The following IFT122 variants were observed in gnomAD, a reference collection of about 807,000 sequenced individuals.
The protein encoded by IFT122 is intraflagellar transport protein 122 homolog.
IFT122 carries 118 observed loss-of-function variants against 161.6 expected under a neutral mutation model. That is an observed-to-expected ratio of 0.73 (90% confidence interval 0.63 to 0.85). The LOEUF (loss-of-function observed/expected upper bound fraction) is 0.85, where lower values mean the gene tolerates loss of function less well. IFT122 is among the 40% of genes least tolerant of loss of function. The pLI, the probability that IFT122 is intolerant of heterozygous loss-of-function variation, is 0.00. For missense variants in IFT122, 1,381 were observed against 1,579.6 expected (o/e 0.87, Z 2.13); for synonymous variants, 550 against 602.4 (o/e 0.91, Z 1.27).
At chr3:129,514,868 A>C (rs1313658263) in intron 25 of IFT122, 1 of 491,014 alleles carries the variant, frequency 2.0e-6, no homozygotes, top group Non-Finnish European at 3.7e-6. Flanking sequence ...CCTTTACCCC[A>C]GGCCTGGCCC....
At chr3:129,466,243 G>A (rs1156505665) in intron 7 of IFT122, among the ~76,000 whole-genome samples, 1 of 152,120 alleles carries the variant, frequency 6.6e-6, no homozygotes, top group Non-Finnish European at 1.5e-5. Context: ...ACTTGATTTA[G>A]AAGGTTGTTT....
At chr3:129,509,758 C>G (rs1354623742) in intron 23 of IFT122, among the ~76,000 whole-genome samples, 8 of 152,198 alleles carry the variant, frequency 5.3e-5, no homozygotes, top group African/African-American at 1.9e-4. Context: ...AGCCTGTGTT[C>G]CTAGCCTTTC....
Position 129,481,705 on chromosome 3 carries a change from T to C in IFT122, c.1653+11T>C, listed in dbSNP as rs1185752568. 5 of 1,613,590 alleles carry C rather than the reference T, an allele frequency of 3.1e-6. No individual in the cohort carries two copies. The highest frequency in any genetic ancestry group is 1.6e-4 in the Middle Eastern group (1 of 6,082). ...GAGCTGCTTTTTCAGGTGAAGTCCC[T>C]GAGGGGGCCCAGGGACATCATCCTT... On this transcript the variant is annotated intron_variant, in intron 14 of 29. Transcript: ENST00000348417.
intron 26 of IFT122, among the ~76,000 whole-genome samples, chr3:129,517,146 C>CCTGCACACACACGGAGACTGCCT (rs1209209179): frequency 6.8e-6 from 1 of 146,048 alleles, no homozygotes; most frequent in East Asian, 2.1e-4. Flanking sequence ...GGAGACTGCC[C>CCTGCACACACACGGAGACTGCCT]CTGCACACAC....
chr3:129,447,692 T>C (rs2107861738), intron 1 of IFT122, among the ~76,000 whole-genome samples: 1 of 152,224 alleles, frequency 6.6e-6, no homozygotes, highest in South Asian at 2.1e-4. Flanking sequence ...TTTGTATTTT[T>C]AGTTGAGACA....
Position 129,469,488 on chromosome 3 carries a change from A to G in IFT122, c.816+71A>G, listed in dbSNP as rs577705338. On this transcript the variant is annotated intron_variant, in intron 9 of 29. Transcript: ENST00000348417. ...TTTCATTTTCTGAGATTCTGTTACTATTAATTATACATTATCATTGTTAGT... is the reference window on the plus strand; with the variant it reads ...TTTCATTTTCTGAGATTCTGTTACTGTTAATTATACATTATCATTGTTAGT... The G allele has an allele frequency of 1.0e-5, 12 of 1,172,670 alleles. No homozygotes were observed. In the East Asian group the frequency reaches 1.2e-4, roughly 11 times the overall value. The allele number at this position is 1,172,670 out of a possible 1,614,324, so 72.6% of individuals were successfully genotyped here.
At chr3:129,466,746 A>G in intron 7 of IFT122, 144 bp from the exon 8 acceptor site, 2 of 758,874 alleles carry the variant, frequency 2.6e-6, no homozygotes, top group Non-Finnish European at 2.3e-6. Context: ...CGAGCGATTC[A>G]CTTGCCTCGG....
chr3:129,460,450 A>T (rs58976074), intron 4 of IFT122, among the ~76,000 whole-genome samples: 35,282 of 150,644 alleles, frequency 0.23, 6,255 homozygotes, highest in African/African-American at 0.47. Flanking sequence ...CTTTATTATT[A>T]TTTTTTTTTA....
intron 17 of IFT122, among the ~76,000 whole-genome samples, chr3:129,492,979 G>A (rs537430793): frequency 4.6e-5 from 7 of 151,868 alleles, no homozygotes; most frequent in Non-Finnish European, 1.0e-4. Flanking sequence ...CACCCCGCCT[G>A]ATTAATTTTT....
chr3:129,518,535 C>T lies in IFT122; in HGVS notation c.3392-572C>T, dbSNP rs188214854. Among the ~76,000 whole-genome samples, 4 of 152,310 alleles carry T rather than the reference C, an allele frequency of 2.6e-5. No homozygotes were observed. The East Asian group carries it at 7.7e-4, about 29-fold the overall frequency. ...GAAAGACGGACCCATCTCTGCCACC[C>T]AGGCTCCCTCAGGTGCCACAGATGA... On this transcript the variant is annotated intron_variant, in intron 27 of 29. Coordinates refer to ENST00000348417, the MANE Select transcript of IFT122 (RefSeq NM_052989.3).
rs138028750 is a variant in IFT122, at chr3:129,515,551, G to A, written c.3217G>A (p.Val1073Ile). ...CCCGCTGCTCAACAACCTGGGCAAC[G>A]TCTGCATCAACTGCCGCCAGCCCTT... ...NNPLLNNLGN[V>I]CINCRQPFIF... is the part of the protein sequence containing the mutation. Residue 1073 changes from valine (V) to isoleucine (I), a missense_variant, in exon 26 of 30, where the codon GTC becomes ATC. This residue lies in a region of IFT122 where 20 missense variants were observed against 54.2 expected (regional missense o/e 0.37). Transcript: ENST00000348417. 1.0e-4 allele frequency: 163 copies of A among 1,579,082 alleles called. No individual in the cohort carries two copies. Among genetic ancestry groups the A allele is most frequent in the African/African-American group, 1.4e-4 (10 of 73,102 alleles).
At chr3:129,474,981 C>G (rs1236454565) in intron 9 of IFT122, among the ~76,000 whole-genome samples, 1 of 152,064 alleles carries the variant, frequency 6.6e-6, no homozygotes, top group East Asian at 1.9e-4. Flanking sequence ...AGTGGGACCC[C>G]ACCTCTAAAA....
At chr3:129,443,165 T>TG (rs1354495003) in intron 1 of IFT122, among the ~76,000 whole-genome samples, 1 of 152,226 alleles carries the variant, frequency 6.6e-6, no homozygotes. Flanking sequence ...CATTTAAAGA[T>TG]GAAGAAATTG....
At chr3:129,454,796 T>A (rs1163271496) in intron 3 of IFT122, among the ~76,000 whole-genome samples, 1 of 152,042 alleles carries the variant, frequency 6.6e-6, no homozygotes, top group Non-Finnish European at 1.5e-5. Context: ...GATGTCAGAG[T>A]GTGACCCATC....
At chr3:129,451,427 G>GT (rs2074835850) in intron 2 of IFT122, among the ~76,000 whole-genome samples, 1 of 152,098 alleles carries the variant, frequency 6.6e-6, no homozygotes, top group African/African-American at 2.4e-5. Context: ...CTGGCCTACA[G>GT]TTGGGTTTTA....
chr3:129,480,069 G>GT, intron 13 of IFT122, 147 bp downstream of exon 13: 1 of 1,029,856 alleles, frequency 9.7e-7, no homozygotes, highest in Non-Finnish European at 1.5e-6. Flanking sequence ...CCTGAGTTCA[G>GT]TTTTTTGAGG....
rs188337505 is a variant in IFT122 at position 129,504,235 on chromosome 3, C to T, written c.2548-84C>T. 503 of 1,145,582 alleles carry T rather than the reference C, an allele frequency of 4.4e-4. 2 individuals are homozygous for T. The African/African-American group carries it at 6.1e-3, about 14-fold the overall frequency. 71.0% of individuals were successfully genotyped at this position (1,145,582 alleles called of 1,614,324 possible). ...TTGTCAGGCTGGCAAAATATGATGT[C>T]CCTAATGGATTCAGCCAAGTACAGT... On this transcript the variant is annotated intron_variant, in intron 20 of 29. Transcript: ENST00000348417.
intron 19 of IFT122, 104 bp from the exon 20 acceptor site, chr3:129,502,598 TCCCATGGGC>T: frequency 1.6e-6 from 2 of 1,217,060 alleles, no homozygotes; most frequent in Non-Finnish European, 2.4e-6. Context: ...ACTGAGCAAC[TCCCATGGGC>T]CATGGCATAG....
At chr3:129,519,539 A>G (rs781606792) in intron 28 of IFT122, 29 bp from the exon 29 acceptor site, 2 of 1,611,628 alleles carry the variant, frequency 1.2e-6, no homozygotes, top group South Asian at 1.1e-5. Flanking sequence ...GAGTGAGGAC[A>G]CTGTGCCTCC....
Sources: allele counts gnomAD v4.1 joint callset (sites outside exome capture counted in the v4.1 genomes callset), GRCh38; gene constraint gnomAD v4.1.1; regional missense constraint gnomAD v4.1.1; transcripts MANE v1.5; gene names NCBI Gene and HGNC (gene_info 2026-07-23, HGNC 2026-07-21).